DCC: variants seen among roughly 807,000 people sequenced by gnomAD.
The protein encoded by DCC is netrin receptor DCC.
A neutral mutation model predicts 172.5 loss-of-function variants in DCC; 58 were observed. The observed-to-expected ratio is 0.34, with a 90% CI of 0.27 to 0.42. DCC has a LOEUF of 0.42. DCC is among the 10% of genes least tolerant of loss of function. The pLI is 1.00. For missense variants in DCC, 1,740 were observed against 1,791.0 expected, an observed-to-expected ratio of 0.97 and a Z score of 0.51; for synonymous variants, 709 against 644.5, an observed-to-expected ratio of 1.10 and a Z score of -1.52.
chr18:52,903,329 C>T lies in DCC; in HGVS notation c.413-2715C>T, dbSNP rs145315064. Among the ~76,000 whole-genome samples the T allele has an allele frequency of 3.9e-3, 601 of 152,216 alleles. 1 individual carries two copies. The highest frequency in any genetic ancestry group is 0.014 in the African/African-American group (561 of 41,540). Reference sequence around the variant, plus strand: ...AAGTGATCCTCCCACCTCAGCCTCCCGAGTAGCTGGGACCACAGGTGTGTG... The same window carrying T: ...AAGTGATCCTCCCACCTCAGCCTCCTGAGTAGCTGGGACCACAGGTGTGTG... On this transcript the variant is annotated intron_variant, in intron 2 of 28. Transcript: ENST00000442544.
chr18:52,539,101 G>A (rs2144698079), intron 1 of DCC, among the ~76,000 whole-genome samples: 1 of 152,274 alleles, frequency 6.6e-6, no homozygotes, highest in South Asian at 2.1e-4. Context: ...AACATGAACT[G>A]GCATTGGGAT....
intron 2 of DCC, among the ~76,000 whole-genome samples, chr18:52,870,596 A>G (rs1254896040): frequency 6.6e-6 from 1 of 152,122 alleles, no homozygotes; most frequent in African/African-American, 2.4e-5. Flanking sequence ...ACTGTTGTAG[A>G]ATCTAAGATT....
chr18:52,800,811 G>A lies in DCC; in HGVS notation c.412+48437G>A, dbSNP rs558131382. Among the ~76,000 whole-genome samples, 3 of 152,264 alleles carry A rather than the reference G, an allele frequency of 2.0e-5. No individual in the cohort carries two copies. In the South Asian group the frequency reaches 6.2e-4, roughly 32 times the overall value. On this transcript the variant is annotated intron_variant, in intron 2 of 28. Transcript: ENST00000442544. ...CTGATGTATCAGTTATTGTTGCACA[G>A]CAAACTACCTTAGACGCTGTGGCTT... is the stretch of plus-strand genomic sequence containing the variant.
intron 5 of DCC, among the ~76,000 whole-genome samples, chr18:53,059,150 G>A (rs186619136): frequency 5.9e-5 from 9 of 152,122 alleles, no homozygotes; most frequent in South Asian, 2.1e-4. Context: ...GTGAGAACTC[G>A]CTCACTATCA....
chr18:53,497,491 G>A (rs141711960), intron 26 of DCC, among the ~76,000 whole-genome samples: 26 of 152,254 alleles, frequency 1.7e-4, no homozygotes, highest in African/African-American at 6.3e-4. Context: ...TCTCTTTCAG[G>A]CCAGTGCCAC....
At chr18:52,644,155 G>C (rs1416389232) in intron 1 of DCC, among the ~76,000 whole-genome samples, 1 of 152,180 alleles carries the variant, frequency 6.6e-6, no homozygotes, top group African/African-American at 2.4e-5. Context: ...GTGGTATGGG[G>C]AAAATGTGTT....
At chr18:53,350,578 C>T (rs1430966053) in intron 15 of DCC, among the ~76,000 whole-genome samples, 1 of 95,294 alleles carries the variant, frequency 1.0e-5, no homozygotes, top group Non-Finnish European at 2.4e-5. Flanking sequence ...TTTGCCTCTC[C>T]ATAATGTTTA....
chr18:52,726,136 T>A (rs2036548434), intron 1 of DCC, among the ~76,000 whole-genome samples: 1 of 152,210 alleles, frequency 6.6e-6, no homozygotes, highest in Non-Finnish European at 1.5e-5. Flanking sequence ...GGTAATATGT[T>A]AATTCCCAAC....
chr18:53,511,813 C>T (rs1479541424), intron 27 of DCC, among the ~76,000 whole-genome samples: 3 of 152,108 alleles, frequency 2.0e-5, no homozygotes, highest in Admixed American at 6.5e-5. Flanking sequence ...GGGTCCTACG[C>T]CCACGGAGTC....
chr18:52,402,148 G>A (rs1986464368), intron 1 of DCC, among the ~76,000 whole-genome samples: 1 of 151,876 alleles, frequency 6.6e-6, no homozygotes, highest in Admixed American at 6.6e-5. Context: ...TAGTTTTGAA[G>A]TTTTGTTCTT....
intron 1 of DCC, among the ~76,000 whole-genome samples, chr18:52,518,397 G>T (rs1332689393): frequency 6.6e-6 from 1 of 152,210 alleles, no homozygotes; most frequent in Non-Finnish European, 1.5e-5. Context: ...GTGGTTCAAA[G>T]CAAGAGAAAT....
intron 7 of DCC, among the ~76,000 whole-genome samples, chr18:53,085,007 T>C (rs972005942): frequency 3.3e-5 from 5 of 152,232 alleles, no homozygotes; most frequent in Non-Finnish European, 5.9e-5. Flanking sequence ...ACTATGAAAA[T>C]AGGGGATCCC....
intron 1 of DCC, among the ~76,000 whole-genome samples, chr18:52,377,881 G>T (rs1473239418): frequency 6.6e-6 from 1 of 151,968 alleles, no homozygotes; most frequent in African/African-American, 2.4e-5. Flanking sequence ...TGTATTTTTA[G>T]TAGAGGTGGG....
chr18:52,567,865 A>G (rs2033197118), intron 1 of DCC, among the ~76,000 whole-genome samples: 1 of 152,140 alleles, frequency 6.6e-6, no homozygotes, highest in African/African-American at 2.4e-5. Flanking sequence ...AGGATGGAGC[A>G]GTTCTGTACT....
At chr18:53,359,522 A>G (rs568294318) in intron 15 of DCC, among the ~76,000 whole-genome samples, 2 of 152,278 alleles carry the variant, frequency 1.3e-5, no homozygotes, top group South Asian at 2.1e-4. Context: ...GCTACATTGT[A>G]GTTGTATTTG....
At chr18:52,914,310 G>A (rs893443979) in intron 3 of DCC, among the ~76,000 whole-genome samples, 5 of 152,170 alleles carry the variant, frequency 3.3e-5, no homozygotes, top group South Asian at 2.1e-4. Flanking sequence ...GAAGCCATAC[G>A]CCAGTGATAA....
intron 2 of DCC, among the ~76,000 whole-genome samples, chr18:52,877,807 A>G (rs2039425390): frequency 3.6e-5 from 1 of 27,606 alleles, no homozygotes; most frequent in African/African-American, 6.8e-5. Flanking sequence ...GGAAGTCATG[A>G]GATTAAAAAA....
At chr18:52,615,473 CT>C (rs2034362346) in intron 1 of DCC, among the ~76,000 whole-genome samples, 1 of 152,126 alleles carries the variant, frequency 6.6e-6, no homozygotes, top group South Asian at 2.1e-4. Context: ...AGTCTTTTTC[CT>C]GGCTTTAGGC....
At chr18:53,051,747 C>T (rs1193497630) in intron 5 of DCC, among the ~76,000 whole-genome samples, 1 of 152,016 alleles carries the variant, frequency 6.6e-6, no homozygotes, top group East Asian at 1.9e-4. Flanking sequence ...TCTGGATGTT[C>T]AAATAATTTA....
Sources: allele counts gnomAD v4.1 joint callset (sites outside exome capture counted in the v4.1 genomes callset), GRCh38; gene constraint gnomAD v4.1.1; transcripts MANE v1.5; gene names NCBI Gene and HGNC (gene_info 2026-07-23, HGNC 2026-07-21).